Variants in SGCD observed in about 807,000 individuals in gnomAD.
SGCD encodes sarcoglycan delta, also known as delta-sarcoglycan.
SGCD carries 18 observed loss-of-function variants against 36.6 expected under a neutral mutation model. The observed-to-expected ratio is 0.49, with a 90% CI of 0.34 to 0.73. SGCD has a LOEUF of 0.73. Among genes scored for constraint, SGCD ranks in the 30% least tolerant of loss-of-function variants. SGCD has a pLI of 0.01. For missense variants in SGCD, 387 were observed against 346.7 expected, an observed-to-expected ratio of 1.12 and a Z score of -0.92; for synonymous variants, 133 against 130.6, an observed-to-expected ratio of 1.02 and a Z score of -0.12.
chr5:156,635,188 C>T (rs1043411412), intron 6 of SGCD, among the ~76,000 whole-genome samples: 1 of 152,166 alleles, frequency 6.6e-6, no homozygotes, highest in African/African-American at 2.4e-5. Flanking sequence ...CACACCACTG[C>T]ACTCAGCCTG....
At chr5:156,123,086 G>T (rs548187732) in intron 2 of SGCD, among the ~76,000 whole-genome samples, 2 of 152,146 alleles carry the variant, frequency 1.3e-5, no homozygotes, top group Admixed American at 6.6e-5. Context: ...GGTGGAAGCT[G>T]GTGGTGCTGA....
chr5:156,446,619 C>T (rs1015198505), intron 3 of SGCD, among the ~76,000 whole-genome samples: 1 of 152,272 alleles, frequency 6.6e-6, no homozygotes, highest in Admixed American at 6.5e-5. Context: ...TCAAAAACAG[C>T]GTCTTTAGCA....
At chr5:156,418,123 G>A (rs1330635037) in intron 3 of SGCD, among the ~76,000 whole-genome samples, 2 of 152,170 alleles carry the variant, frequency 1.3e-5, no homozygotes, top group Admixed American at 6.5e-5. Flanking sequence ...GGAAAGACTT[G>A]CTGTAGGTAC....
At chr5:155,873,098 C>T (rs1755693636) in intron 1 of SGCD, among the ~76,000 whole-genome samples, 2 of 152,082 alleles carry the variant, frequency 1.3e-5, no homozygotes, top group Non-Finnish European at 2.9e-5. Context: ...GGCTACAGTG[C>T]CCCAAGGGCA....
chr5:156,002,181 C>T (rs555382223), intron 1 of SGCD, among the ~76,000 whole-genome samples: 1 of 152,182 alleles, frequency 6.6e-6, no homozygotes, highest in South Asian at 2.1e-4. Flanking sequence ...TTACGGTGAG[C>T]CCTAATCCAG....
intron 3 of SGCD, among the ~76,000 whole-genome samples, chr5:156,452,810 A>T (rs1458749147): frequency 2.6e-5 from 4 of 152,190 alleles, no homozygotes. Flanking sequence ...AATGAAAGGT[A>T]ATGTAGATAA....
At chr5:155,892,691 A>G (rs1756163759) in intron 1 of SGCD, among the ~76,000 whole-genome samples, 1 of 152,174 alleles carries the variant, frequency 6.6e-6, no homozygotes, top group Admixed American at 6.5e-5. Context: ...TTGCTGAAAA[A>G]CAAAATAGAA....
At chr5:156,297,791 A>AAAT (rs1766936383) in intron 3 of SGCD, among the ~76,000 whole-genome samples, 3 of 144,268 alleles carry the variant, frequency 2.1e-5, no homozygotes, top group African/African-American at 5.4e-5. Context: ...GTATAATAAA[A>AAAT]AAATAAATAA....
chr5:156,127,115 T>C (rs1426854518), intron 3 of SGCD, among the ~76,000 whole-genome samples: 1 of 152,214 alleles, frequency 6.6e-6, no homozygotes, highest in African/African-American at 2.4e-5. Context: ...TGTGTGTATG[T>C]GTATATTTGT....
At chr5:156,245,588 A>T (rs894083163) in intron 3 of SGCD, among the ~76,000 whole-genome samples, 1 of 152,204 alleles carries the variant, frequency 6.6e-6, no homozygotes, top group Non-Finnish European at 1.5e-5. Flanking sequence ...AAGCAATAAG[A>T]TTCACAAACC....
the SGCD span, among the ~76,000 whole-genome samples, chr5:155,786,564 G>A: frequency 6.6e-5 from 10 of 152,134 alleles, no homozygotes; most frequent in Admixed American, 2.0e-4. Context: ...TTTTACTAAA[G>A]GGAAAGAGGT....
intron 7 of SGCD, among the ~76,000 whole-genome samples, chr5:156,729,417 G>A (rs1358429181): frequency 6.6e-6 from 1 of 152,152 alleles, no homozygotes; most frequent in Admixed American, 6.5e-5. Context: ...TAACGCAAAG[G>A]CCTCAGAGGC....
chr5:156,075,370 A>G (rs890040174), intron 1 of SGCD, among the ~76,000 whole-genome samples: 4 of 152,016 alleles, frequency 2.6e-5, no homozygotes, highest in Admixed American at 2.6e-4. Context: ...AACTACAAAC[A>G]TTTGACATAT....
chr5:156,577,736 G>A (rs1760036474), intron 4 of SGCD, among the ~76,000 whole-genome samples: 1 of 152,082 alleles, frequency 6.6e-6, no homozygotes. Flanking sequence ...TTGGTGTATA[G>A]GAATGCTTGT....
chr5:156,584,302 G>A (rs938551259), intron 4 of SGCD, among the ~76,000 whole-genome samples: 2 of 152,178 alleles, frequency 1.3e-5, no homozygotes, highest in African/African-American at 4.8e-5. Context: ...CTCACTGCAT[G>A]TGATCTCATT....
the SGCD span, among the ~76,000 whole-genome samples, chr5:155,767,592 T>G: frequency 6.6e-6 from 1 of 152,202 alleles, no homozygotes; most frequent in Non-Finnish European, 1.5e-5. Context: ...GGAGGAGTTG[T>G]ATTTTTTGTT....
At chr5:156,146,532 C>T (rs912841168) in intron 3 of SGCD, among the ~76,000 whole-genome samples, 1 of 152,128 alleles carries the variant, frequency 6.6e-6, no homozygotes, top group African/African-American at 2.4e-5. Flanking sequence ...GTTAATGAAA[C>T]AAGACAAAGG....
chr5:155,824,180 G>C, the SGCD span, among the ~76,000 whole-genome samples: 1 of 152,164 alleles, frequency 6.6e-6, no homozygotes, highest in Admixed American at 6.5e-5. Context: ...AATTATGTGA[G>C]GATTGATTTT....
At chr5:156,051,653 T>C (rs1759918612) in intron 1 of SGCD, among the ~76,000 whole-genome samples, 1 of 146,068 alleles carries the variant, frequency 6.8e-6, no homozygotes, top group Non-Finnish European at 1.5e-5. Context: ...GTGTGAAACA[T>C]ATAAACTAGA....
Sources: gnomAD v4.1 joint callset for allele counts (sites outside exome capture counted in the v4.1 genomes callset) on GRCh38, gnomAD v4.1.1 for gene constraint, MANE v1.5 for transcripts, NCBI Gene and HGNC (gene_info 2026-07-23, HGNC 2026-07-21) for gene names.